TAFA1: variants seen among roughly 807,000 people sequenced by gnomAD.
TAFA1 encodes chemokine-like protein TAFA-1.
In TAFA1, 4 loss-of-function variants were observed where a neutral mutation model predicts 18.5. The ratio of observed to expected loss-of-function variants is 0.22; its 90% confidence interval spans 0.11 to 0.49. The LOEUF (loss-of-function observed/expected upper bound fraction) is 0.49. Ranked by LOEUF, TAFA1 falls within the 20% of genes least tolerant of loss-of-function variation. The pLI is 0.98. For missense variants in TAFA1, 147 were observed against 169.0 expected (o/e 0.87, Z 0.72); for synonymous variants, 56 against 55.2 (o/e 1.01, Z -0.06).
chr3:68,417,707 T>G, intron 3 of TAFA1: 1 of 299,190 alleles, frequency 3.3e-6, no homozygotes, highest in South Asian at 6.0e-5. Context: ...TATTAGTCCA[T>G]TCTCACACTG....
chr3:68,041,433 A>G (rs1705163032), intron 2 of TAFA1, among the ~76,000 whole-genome samples: 1 of 152,246 alleles, frequency 6.6e-6, no homozygotes, highest in Non-Finnish European at 1.5e-5. Flanking sequence ...TGCCAATCAT[A>G]TAGACTATTT....
At chr3:68,138,259 G>T (rs2065630822) in intron 2 of TAFA1, among the ~76,000 whole-genome samples, 1 of 152,150 alleles carries the variant, frequency 6.6e-6, no homozygotes, top group African/African-American at 2.4e-5. Context: ...TGTGCTATTT[G>T]TAGGCTGAAG....
chr3:68,417,931 C>G (rs1192831259), intron 3 of TAFA1, among the ~76,000 whole-genome samples: 1 of 152,086 alleles, frequency 6.6e-6, no homozygotes, highest in African/African-American at 2.4e-5. Context: ...ACAACCAGAT[C>G]TTGTGAGAAC....
At chr3:68,255,663 G>GT (rs201786306) in intron 2 of TAFA1, among the ~76,000 whole-genome samples, 1,944 of 151,832 alleles carry the variant, frequency 0.013, 44 homozygotes, top group African/African-American at 0.044. Context: ...GTTTTATAGG[G>GT]TTTTTTTTAA....
chr3:68,376,164 CT>C (rs1179755927), intron 2 of TAFA1, among the ~76,000 whole-genome samples: 1 of 151,944 alleles, frequency 6.6e-6, no homozygotes, highest in Non-Finnish European at 1.5e-5. Context: ...TATTCTTGAG[CT>C]GAAAAGGGAC....
At chr3:68,466,914 C>T (rs2071897489) in intron 3 of TAFA1, among the ~76,000 whole-genome samples, 1 of 152,122 alleles carries the variant, frequency 6.6e-6, no homozygotes, top group Non-Finnish European at 1.5e-5. Flanking sequence ...TCCGTGATGC[C>T]CCATGAGCAG....
intron 3 of TAFA1, among the ~76,000 whole-genome samples, chr3:68,457,963 A>G (rs1241383813): frequency 1.3e-5 from 2 of 152,106 alleles, no homozygotes; most frequent in Non-Finnish European, 2.9e-5. Context: ...TTACCCTATC[A>G]CTCATGGGTA....
intron 2 of TAFA1, among the ~76,000 whole-genome samples, chr3:68,028,849 G>A (rs986689168): frequency 1.3e-5 from 2 of 151,706 alleles, no homozygotes; most frequent in African/African-American, 4.8e-5. Context: ...AACTCCCCAG[G>A]CTCAGGTGAT....
intron 2 of TAFA1, among the ~76,000 whole-genome samples, chr3:68,383,660 C>T (rs1019445066): frequency 6.6e-6 from 1 of 151,948 alleles, no homozygotes; most frequent in Non-Finnish European, 1.5e-5. Flanking sequence ...TGTTGTATCT[C>T]CACCAGGTTT....
intron 2 of TAFA1, among the ~76,000 whole-genome samples, chr3:68,054,212 G>T (rs571586837): frequency 6.6e-6 from 1 of 152,148 alleles, no homozygotes; most frequent in Non-Finnish European, 1.5e-5. Context: ...GGAGGGGCTT[G>T]GGTCATGGAG....
intron 2 of TAFA1, among the ~76,000 whole-genome samples, chr3:68,301,864 T>C (rs1451678144): frequency 6.6e-6 from 1 of 152,230 alleles, no homozygotes; most frequent in Non-Finnish European, 1.5e-5. Context: ...TAGCATTGAT[T>C]GAATGTACAT....
intron 3 of TAFA1, among the ~76,000 whole-genome samples, chr3:68,423,836 G>A (rs2071005649): frequency 6.6e-6 from 1 of 151,962 alleles, no homozygotes; most frequent in Admixed American, 6.6e-5. Flanking sequence ...TTAATCCCTT[G>A]TGGATTTTAG....
chr3:68,207,833 T>C (rs1015930931), intron 2 of TAFA1, among the ~76,000 whole-genome samples: 8 of 152,072 alleles, frequency 5.3e-5, no homozygotes, highest in Non-Finnish European at 1.0e-4. Flanking sequence ...TATTCCCATT[T>C]TTTGAAAGAG....
intron 2 of TAFA1, among the ~76,000 whole-genome samples, chr3:68,094,487 C>T (rs6548979): frequency 0.95 from 144,155 of 152,260 alleles, 68,303 homozygotes; most frequent in South Asian, 0.97. Context: ...GACTTTCCTA[C>T]GTGCATTTTA....
At chr3:68,495,721 A>G (rs1049221271) in intron 3 of TAFA1, among the ~76,000 whole-genome samples, 1 of 152,106 alleles carries the variant, frequency 6.6e-6, no homozygotes, top group Non-Finnish European at 1.5e-5. Flanking sequence ...TGGCCCGAGG[A>G]CAGGTATCTA....
chr3:68,054,961 G>C (rs538090072), intron 2 of TAFA1, among the ~76,000 whole-genome samples: 1 of 152,218 alleles, frequency 6.6e-6, no homozygotes, highest in Admixed American at 6.5e-5. Flanking sequence ...GGTAGACTAT[G>C]CTCTGAAGTT....
chr3:68,013,818 CA>C (rs1704520004), intron 2 of TAFA1, among the ~76,000 whole-genome samples: 1 of 151,776 alleles, frequency 6.6e-6, no homozygotes, highest in Non-Finnish European at 1.5e-5. Flanking sequence ...AATAAAGGTC[CA>C]AAAAAGAAAA....
intron 2 of TAFA1, among the ~76,000 whole-genome samples, chr3:68,188,507 T>TTTTA (rs1553650355): frequency 2.7e-4 from 39 of 145,712 alleles, no homozygotes; most frequent in African/African-American, 7.8e-4. Flanking sequence ...GTATATATAT[T>TTTTA]TATATATATA....
intron 4 of TAFA1, 62 bp from the exon 5 acceptor site, chr3:68,544,424 A>G (rs2073423804): frequency 3.9e-6 from 6 of 1,549,954 alleles, no homozygotes; most frequent in Non-Finnish European, 5.3e-6. Context: ...ACATAATCAC[A>G]TTTCTTTGTG....
Sources: gnomAD v4.1 joint callset for allele counts (sites outside exome capture counted in the v4.1 genomes callset) on GRCh38, gnomAD v4.1.1 for gene constraint, MANE v1.5 for transcripts, NCBI Gene and HGNC (gene_info 2026-07-23, HGNC 2026-07-21) for gene names.